SLC19A1: variants seen among roughly 807,000 people sequenced by gnomAD.
SLC19A1 encodes the protein reduced folate transporter.
A neutral mutation model predicts 35.3 loss-of-function variants in SLC19A1; 37 were observed. That is an observed-to-expected ratio of 1.05 (90% CI 0.81 to 1.38). The LOEUF (loss-of-function observed/expected upper bound fraction) is 1.38. Ranked by LOEUF, SLC19A1 falls within the 40% of genes most tolerant of loss-of-function variation. SLC19A1 has a pLI of 0.00. For synonymous variants in SLC19A1, 460 were observed against 398.5 expected (o/e 1.15, Z -1.84); for missense variants, 831 against 826.9 (o/e 1.00, Z -0.06).
chr21:45,517,924 G>A lies in SLC19A1; in HGVS notation c.1294-1784C>T, dbSNP rs571049770. ...ACCCCGCTTGACCTGCAGGAGTTGC[G>A]TCAGCCACAACAGGATGCTGAAATT... On this transcript the variant is annotated intron_variant, in intron 5 of 5. Transcript: ENST00000311124. The surrounding 1 kb of genome is among the most constrained non-coding windows in gnomAD (Gnocchi z 4.4). Among the ~76,000 whole-genome samples, 1 of 152,278 alleles carries A rather than the reference G, an allele frequency of 6.6e-6. No individual in the cohort carries two copies. The highest frequency in any genetic ancestry group is 1.9e-4 in the East Asian group (1 of 5,184).
At chr21:45,518,900 TTA>T (rs1201615770) in intron 5 of SLC19A1, among the ~76,000 whole-genome samples, 1 of 151,942 alleles carries the variant, frequency 6.6e-6, no homozygotes, top group African/African-American at 2.4e-5. Context: ...AGAAAGGAAA[TTA>T]CTAAAGAAGG....
At position 45,515,343 on chromosome 21, in the gene SLC19A1, G is replaced by A. The variant is rs2037846338; in HGVS notation, c.*315C>T. The A allele has an allele frequency of 2.8e-6, 4 of 1,440,664 alleles. No homozygotes were observed. Among genetic ancestry groups the A allele is most frequent in the South Asian group, 3.0e-5 (2 of 66,670 alleles). 89.2% of individuals were successfully genotyped at this position (1,440,664 alleles called of 1,614,324 possible). On this transcript the variant is annotated 3_prime_UTR_variant, in exon 6 of 6. Transcript: ENST00000311124. ...GCCACTTCACTAGCCCTGGGGGGCA[G>A]AAAGGATTTGTCTCAAGCCCCCCAA...
intron 4 of SLC19A1, among the ~76,000 whole-genome samples, chr21:45,527,231 A>AGCCAGTT (rs1225775166): frequency 7.7e-6 from 1 of 129,258 alleles, no homozygotes; most frequent in Admixed American, 7.8e-5. Flanking sequence ...GGTGAGTGGC[A>AGCCAGTT]ATTGGGGGGG....
Position 45,515,353 on chromosome 21 carries a change from G to A in SLC19A1, c.*305C>T. The stretch of plus-strand genomic sequence containing the variant: ...TAGCCCTGGGGGGCAGAAAGGATTT[G>A]TCTCAAGCCCCCCAAGGGGCATGAG... On this transcript the variant is annotated 3_prime_UTR_variant, in exon 6 of 6. Coordinates refer to ENST00000311124, the MANE Select transcript of SLC19A1 (RefSeq NM_194255.4). 9.7e-6 allele frequency: 14 copies of A among 1,437,584 alleles called. No homozygotes were observed. Among genetic ancestry groups the A allele is most frequent in the Non-Finnish European group, 1.3e-5 (14 of 1,105,274 alleles). The allele number at this position is 1,437,584 out of a possible 1,614,324, so 89.1% of individuals were successfully genotyped here. A position where few individuals can be genotyped will look rare whatever the true frequency, so the allele number is the denominator to read the frequency against.
At chr21:45,532,284 C>A (rs1021229420) in intron 2 of SLC19A1, 136 bp from the exon 3 acceptor site, 107 of 683,098 alleles carry the variant, frequency 1.6e-4, no homozygotes, top group Non-Finnish European at 1.3e-4. Context: ...CCCCAACACG[C>A]CCCTGTCCCA....
chr21:45,557,330 G>A (rs1602961634), intron 1 of SLC19A1, among the ~76,000 whole-genome samples: 1 of 152,192 alleles, frequency 6.6e-6, no homozygotes, highest in Non-Finnish European at 1.5e-5. Context: ...TGGAGTCCCC[G>A]GCTTTGACCC....
chr21:45,558,528 A>G (rs2078585593), intron 1 of SLC19A1, among the ~76,000 whole-genome samples: 1 of 152,202 alleles, frequency 6.6e-6, no homozygotes, highest in African/African-American at 2.4e-5. Flanking sequence ...CAGGCTGCAG[A>G]GGGTGTTTCT....
intron 4 of SLC19A1, among the ~76,000 whole-genome samples, chr21:45,529,803 G>A (rs1271383079): frequency 7.0e-6 from 1 of 143,598 alleles, no homozygotes; most frequent in Non-Finnish European, 1.6e-5. Flanking sequence ...ATCTGTGAGT[G>A]TGTGGTGTGT....
In SLC19A1 at chr21:45,541,343, A is replaced by T. The variant is rs143307890; in HGVS notation, c.-50+1025T>A. ...CAGGCAGGTGCACTGGGCCAGAGGCACCTCGGCTCTGCTGATTGAATCTGG... is the reference window on the plus strand; with the variant it reads ...CAGGCAGGTGCACTGGGCCAGAGGCTCCTCGGCTCTGCTGATTGAATCTGG... On this transcript the variant is annotated intron_variant, in intron 1 of 5. Transcript: ENST00000311124. Among the ~76,000 whole-genome samples the T allele has an allele frequency of 4.1e-3, 619 of 152,366 alleles. 9 individuals are homozygous for T. The highest frequency in any genetic ancestry group is 0.014 in the African/African-American group (591 of 41,588).
chr21:45,539,642 C>A (rs2078241343), intron 1 of SLC19A1, among the ~76,000 whole-genome samples: 1 of 152,224 alleles, frequency 6.6e-6, no homozygotes, highest in Non-Finnish European at 1.5e-5. Flanking sequence ...CAACCTGACA[C>A]ACAGGCTTAG....
rs1016845569 is a variant in SLC19A1, at chr21:45,513,872, T to C, written c.*1786A>G. The stretch of plus-strand genomic sequence containing the variant: ...TACATGGGGTATGCATGCATGGCCA[T>C]ACACAGGCGTGCAGTTGTACACAGG... On this transcript the variant is annotated 3_prime_UTR_variant, in exon 6 of 6. Transcript: ENST00000311124. 1 of 152,248 alleles carries C rather than the reference T, an allele frequency of 6.6e-6. No individual in the cohort carries two copies. Among genetic ancestry groups the C allele is most frequent in the African/African-American group, 2.4e-5 (1 of 41,450 alleles). The allele number at this position is 152,248 out of a possible 1,614,324, so 9.4% of individuals were successfully genotyped here.
intron 3 of SLC19A1, chr21:45,503,810 TAAAATA>T (rs550148570): frequency 4.6e-5 from 16 of 347,732 alleles, no homozygotes; most frequent in South Asian, 4.4e-4. Context: ...AATTTAAAAA[TAAAATA>T]AAAATAAAAA....
Position 45,523,926 on chromosome 21 carries a change from G to T in SLC19A1, c.1293+1891C>A, listed in dbSNP as rs9306135. ...TGGACTGCTGCCAGCACCCCGCCCTGGGGCCATGCATTCAACAGAAGCCTT... is the reference window on the plus strand; with the variant it reads ...TGGACTGCTGCCAGCACCCCGCCCTTGGGCCATGCATTCAACAGAAGCCTT... On this transcript the variant is annotated intron_variant, in intron 5 of 5. Transcript: ENST00000311124. Among the ~76,000 whole-genome samples the T allele has an allele frequency of 4.7e-3, 719 of 152,302 alleles. 4 individuals are homozygous for T. The highest frequency in any genetic ancestry group is 0.017 in the African/African-American group (694 of 41,560).
downstream of SLC19A1, chr21:45,512,216 G>A: frequency 6.2e-7 from 1 of 1,612,494 alleles, no homozygotes; most frequent in East Asian, 2.2e-5. Flanking sequence ...GCATGGCTCG[G>A]ACCCCAACGG....
At chr21:45,524,884 T>G (rs2077554858) in intron 5 of SLC19A1, among the ~76,000 whole-genome samples, 1 of 152,116 alleles carries the variant, frequency 6.6e-6, no homozygotes, top group African/African-American at 2.4e-5. Flanking sequence ...CCTTGGAGAC[T>G]CACCCGCCCT....
intron 4 of SLC19A1, among the ~76,000 whole-genome samples, chr21:45,529,764 T>C (rs2077789571): frequency 6.6e-6 from 1 of 151,188 alleles, no homozygotes; most frequent in Non-Finnish European, 1.5e-5. Context: ...TGTAAGCATG[T>C]GGTGTGTTCA....
At position 45,533,636 on chromosome 21, in the gene SLC19A1, T is replaced by C. The variant is rs1159232102; in HGVS notation, c.190-1488A>G. ...ACCAGATGAGCCAGCAGGGCCCTGC[T>C]GGACTCTGGGCCTCCAGCAGGCCCC... On this transcript the variant is annotated intron_variant, in intron 2 of 5. Coordinates refer to ENST00000311124, the MANE Select transcript of SLC19A1 (RefSeq NM_194255.4). This position sits in a 1 kb window ranked among gnomAD's most constrained non-coding sequence, Gnocchi z 4.5. Among the ~76,000 whole-genome samples the C allele has an allele frequency of 6.6e-6, 1 of 151,384 alleles. No homozygotes were observed. The highest frequency in any genetic ancestry group is 1.5e-5 in the Non-Finnish European group (1 of 67,770).
chr21:45,510,347 G>T, downstream of SLC19A1: 1 of 1,440,858 alleles, frequency 6.9e-7, no homozygotes, highest in Non-Finnish European at 9.5e-7. Context: ...CTCCCCTCTA[G>T]GGCCTCTGGA....
chr21:45,517,806 G>A lies in SLC19A1; in HGVS notation c.1294-1666C>T, dbSNP rs548813662. On this transcript the variant is annotated intron_variant, in intron 5 of 5. Transcript: ENST00000311124. This position sits in a 1 kb window ranked among gnomAD's most constrained non-coding sequence, Gnocchi z 4.4. ...CCCATCCTTGCCTGGCAACAAGAAG[G>A]AGCCCCCACCCAGCCACCCACCCTC... is the stretch of plus-strand genomic sequence containing the variant. 6.6e-6 allele frequency among the ~76,000 whole-genome samples: 1 copy of A among 151,616 alleles called. No individual in the cohort carries two copies. The highest frequency in any genetic ancestry group is 1.5e-5 in the Non-Finnish European group (1 of 67,894).
Sources: allele counts gnomAD v4.1 joint callset (sites outside exome capture counted in the v4.1 genomes callset), GRCh38; gene constraint gnomAD v4.1.1; non-coding constraint Gnocchi (gnomAD v3.1); transcripts MANE v1.5; gene names NCBI Gene and HGNC (gene_info 2026-07-23, HGNC 2026-07-21).